KIT: variants seen among roughly 807,000 people sequenced by gnomAD.
KIT encodes the protein mast/stem cell growth factor receptor Kit.
KIT carries 16 observed loss-of-function variants against 105.7 expected under a neutral mutation model. That is an observed-to-expected ratio of 0.15 (90% CI 0.10 to 0.23). The LOEUF (loss-of-function observed/expected upper bound fraction) is 0.23, where lower values mean the gene tolerates loss of function less well. Among genes scored for constraint, KIT ranks in the 10% least tolerant of loss-of-function variants. The probability of loss-of-function intolerance (pLI) is 1.00; values close to 1 mark genes in which losing one functional copy is unlikely to be tolerated. For synonymous variants in KIT, 438 were observed against 441.1 expected, an observed-to-expected ratio of 0.99 and a Z score of 0.09; for missense variants, 858 against 1,213.8, an observed-to-expected ratio of 0.71 and a Z score of 4.36.
chr4:54,674,689 A>G (rs989301224), intron 1 of KIT, among the ~76,000 whole-genome samples: 3 of 152,238 alleles, frequency 2.0e-5, no homozygotes, highest in Admixed American at 6.5e-5. Flanking sequence ...AAAAATTTGT[A>G]ACTATCTGAA....
At chr4:54,682,546 A>G (rs1719014252) in intron 1 of KIT, among the ~76,000 whole-genome samples, 1 of 151,450 alleles carries the variant, frequency 6.6e-6, no homozygotes, top group Non-Finnish European at 1.5e-5. Context: ...CTCCTCCCTC[A>G]GCCTCCTAAG....
chr4:54,706,965 A>T, intron 5 of KIT, 133 bp from the exon 6 acceptor site: 1 of 618,012 alleles, frequency 1.6e-6, no homozygotes, highest in Non-Finnish European at 2.9e-6. Context: ...AAAAACAGCT[A>T]GTTAAAATTC....
intron 5 of KIT, 47 bp downstream of exon 5, chr4:54,703,939 A>G: frequency 7.1e-7 from 1 of 1,411,988 alleles, no homozygotes; most frequent in Non-Finnish European, 1.0e-6. Context: ...GTAGTGAAAG[A>G]AGAAATTATT....
intron 7 of KIT, among the ~76,000 whole-genome samples, chr4:54,719,251 A>T (rs1721697518): frequency 6.6e-6 from 1 of 152,336 alleles, no homozygotes; most frequent in South Asian, 2.1e-4. Flanking sequence ...CTGCATTTAG[A>T]TGAAGAAAGG....
At chr4:54,707,047 TCCAGTAG>T (rs1209272267) in intron 5 of KIT, 44 bp from the exon 6 acceptor site, 1 of 1,044,242 alleles carries the variant, frequency 9.6e-7, no homozygotes, top group African/African-American at 1.6e-5. Context: ...TGTTTTTTTG[TCCAGTAG>T]TTGTAGATAA....
At chr4:54,692,665 T>C (rs1336394346) in intron 1 of KIT, among the ~76,000 whole-genome samples, 1 of 152,212 alleles carries the variant, frequency 6.6e-6, no homozygotes, top group Non-Finnish European at 1.5e-5. Flanking sequence ...GCATCTCTAT[T>C]GCTGCCTCTG....
At chr4:54,726,747 T>C (rs1488130171) in intron 9 of KIT, among the ~76,000 whole-genome samples, 2 of 151,990 alleles carry the variant, frequency 1.3e-5, no homozygotes, top group South Asian at 2.1e-4. Flanking sequence ...TCCATGTTTT[T>C]CAGACAGGGC....
intron 15 of KIT, 68 bp from the exon 16 acceptor site, chr4:54,731,803 G>A: frequency 6.5e-7 from 1 of 1,539,936 alleles, no homozygotes; most frequent in South Asian, 1.1e-5. Context: ...GTATGTCATT[G>A]CCACTGTCTT....
intron 1 of KIT, among the ~76,000 whole-genome samples, chr4:54,685,426 G>A (rs1214204270): frequency 6.6e-6 from 1 of 152,024 alleles, no homozygotes; most frequent in South Asian, 2.1e-4. Context: ...CACTGTCCAG[G>A]GCCAGCCCAC....
rs2276949 is a variant in KIT, at chr4:54,727,699, G to A, written c.1775-124G>A. On this transcript the variant is annotated intron_variant, in intron 11 of 20. Coordinates refer to ENST00000288135, the MANE Select transcript of KIT (RefSeq NM_000222.3). Reference sequence around the variant, plus strand: ...TGATAGGTTTGCCATAGAGAACATCGTAGGAAAATGTCTCTGGACAACATT... The same window carrying A: ...TGATAGGTTTGCCATAGAGAACATCATAGGAAAATGTCTCTGGACAACATT... The A allele has an allele frequency of 0.094, 119,405 of 1,265,284 alleles. 6,096 individuals carry two copies. Among genetic ancestry groups the A allele is most frequent in the Non-Finnish European group, 0.1 (90,387 of 874,270 alleles). The allele number at this position is 1,265,284 out of a possible 1,614,324, so 78.4% of individuals were successfully genotyped here.
At chr4:54,695,815 C>G (rs752866728) in intron 2 of KIT, 34 bp downstream of exon 2, 1 of 1,613,238 alleles carries the variant, frequency 6.2e-7, no homozygotes, top group African/African-American at 1.3e-5. Flanking sequence ...GCTGTGCTTT[C>G]AAGAATTTAA....
At chr4:54,723,804 G>C (rs893629617) in intron 8 of KIT, 106 bp downstream of exon 8, 1 of 799,834 alleles carries the variant, frequency 1.3e-6, no homozygotes, top group Non-Finnish European at 2.1e-6. Context: ...GCTTTGTTTT[G>C]ATTATTGTTT....
At chr4:54,732,024 GTTTTGTGTTTTGTTTTTTTGATTTTTTT>G in intron 16 of KIT, 26 bp downstream of exon 16, 1 of 1,204,478 alleles carries the variant, frequency 8.3e-7, no homozygotes, top group Non-Finnish European at 1.2e-6. Context: ...TCTCTAAAGA[GTTTTGTGTTTTGTTTTTTTGATTTTTTT>G]TTTTTTTTTT....
At chr4:54,713,322 C>A (rs1030042212) in intron 7 of KIT, among the ~76,000 whole-genome samples, 3 of 151,978 alleles carry the variant, frequency 2.0e-5, no homozygotes, top group Admixed American at 6.6e-5. Flanking sequence ...TTTGCATCCT[C>A]ATTGCTTAGC....
intron 1 of KIT, among the ~76,000 whole-genome samples, chr4:54,683,870 A>G (rs1370708244): frequency 1.3e-5 from 2 of 152,326 alleles, no homozygotes; most frequent in East Asian, 3.9e-4. Context: ...TTGCACTAAA[A>G]TGAATCTCCC....
intron 2 of KIT, 28 bp downstream of exon 2, chr4:54,695,809 T>C (rs759840794): frequency 2.7e-5 from 43 of 1,613,772 alleles, no homozygotes; most frequent in Non-Finnish European, 3.5e-5. Context: ...TGCAGTGCTG[T>C]GCTTTCAAGA....
intron 19 of KIT, among the ~76,000 whole-genome samples, 155 bp downstream of exon 19, chr4:54,736,975 A>T (rs1011163047): frequency 5.3e-5 from 8 of 152,200 alleles, no homozygotes; most frequent in Middle Eastern, 3.4e-3. Flanking sequence ...TCTGTAGTTT[A>T]TTTTCATAAT....
At chr4:54,717,309 G>A (rs1311756674) in intron 7 of KIT, among the ~76,000 whole-genome samples, 1 of 152,160 alleles carries the variant, frequency 6.6e-6, no homozygotes, top group Admixed American at 6.5e-5. Context: ...TCAAAGGCTG[G>A]CATCATTACT....
intron 5 of KIT, among the ~76,000 whole-genome samples, chr4:54,704,679 C>CA (rs1720670335): frequency 6.6e-6 from 1 of 152,086 alleles, no homozygotes; most frequent in Non-Finnish European, 1.5e-5. Context: ...ACTTTGTTTA[C>CA]AATTTTTTTG....
Sources: allele counts gnomAD v4.1 joint callset (sites outside exome capture counted in the v4.1 genomes callset), GRCh38; gene constraint gnomAD v4.1.1; transcripts MANE v1.5; gene names NCBI Gene and HGNC (gene_info 2026-07-23, HGNC 2026-07-21).